The following LINGO2 variants were observed in gnomAD, a reference collection of about 807,000 sequenced individuals.
The protein encoded by LINGO2 is leucine-rich repeat and immunoglobulin-like domain-containing nogo receptor-interacting protein 2.
LINGO2 carries 14 observed loss-of-function variants against 30.6 expected under a neutral mutation model. That is an observed-to-expected ratio of 0.46 (90% CI 0.30 to 0.72). The LOEUF is 0.72. Among genes scored for constraint, LINGO2 ranks in the 30% least tolerant of loss-of-function variants. The pLI, the probability that LINGO2 is intolerant of heterozygous loss-of-function variation, is 0.07. For missense variants in LINGO2, 729 were observed against 751.7 expected (o/e 0.97, Z 0.35); for synonymous variants, 317 against 288.5 (o/e 1.10, Z -1.00).
At chr9:29,178,635 C>G in the LINGO2 span, among the ~76,000 whole-genome samples, 2 of 152,092 alleles carry the variant, frequency 1.3e-5, no homozygotes, top group African/African-American at 4.8e-5. Flanking sequence ...ATGAACTATA[C>G]GAGACACTTT....
intron 3 of LINGO2, among the ~76,000 whole-genome samples, chr9:28,360,792 C>T (rs1026643035): frequency 5.9e-5 from 9 of 152,158 alleles, no homozygotes; most frequent in Non-Finnish European, 1.2e-4. Context: ...GCTTCCTGCC[C>T]CATCTTGCCC....
chr9:28,075,017 C>A (rs1304407796), intron 4 of LINGO2, among the ~76,000 whole-genome samples: 1 of 151,348 alleles, frequency 6.6e-6, no homozygotes, highest in East Asian at 1.9e-4. Context: ...AATAGGACAA[C>A]CACATTCAGA....
intron 4 of LINGO2, among the ~76,000 whole-genome samples, chr9:28,289,234 A>C (rs997058851): frequency 1.3e-5 from 2 of 152,222 alleles, no homozygotes; most frequent in South Asian, 2.1e-4. Flanking sequence ...ACTAATGTAA[A>C]CTATAAAACT....
At chr9:28,860,660 T>C in the LINGO2 span, among the ~76,000 whole-genome samples, 2 of 135,432 alleles carry the variant, frequency 1.5e-5, no homozygotes, top group Admixed American at 1.6e-4. Flanking sequence ...CTGTCATGTA[T>C]AGTCATATAT....
At chr9:28,523,676 C>T (rs1040027096) in intron 1 of LINGO2, among the ~76,000 whole-genome samples, 1 of 152,046 alleles carries the variant, frequency 6.6e-6, no homozygotes, top group Non-Finnish European at 1.5e-5. Flanking sequence ...AAAATAATTT[C>T]ATTCATAATG....
chr9:28,574,389 T>C (rs1001383688), intron 1 of LINGO2, among the ~76,000 whole-genome samples: 4 of 152,332 alleles, frequency 2.6e-5, no homozygotes, highest in Admixed American at 2.6e-4. Flanking sequence ...CAGCCATTTG[T>C]TTCCATACAG....
exon 6 of LINGO2, chr9:27,948,821 CAA>C: frequency 6.3e-7 from 1 of 1,576,918 alleles, no homozygotes; most frequent in Non-Finnish European, 8.6e-7. Flanking sequence ...CCCACATTGA[CAA>C]AGAGACAGTA....
the LINGO2 span, among the ~76,000 whole-genome samples, chr9:28,686,882 C>G: frequency 6.6e-6 from 1 of 151,900 alleles, no homozygotes; most frequent in African/African-American, 2.4e-5. Flanking sequence ...AATTTTGAAA[C>G]GGTGGAATTT....
intron 2 of LINGO2, among the ~76,000 whole-genome samples, chr9:28,444,649 T>G (rs567472046): frequency 1.3e-5 from 2 of 152,306 alleles, no homozygotes; most frequent in South Asian, 2.1e-4. Flanking sequence ...CACCACCATA[T>G]TCCCCTCATC....
the LINGO2 span, among the ~76,000 whole-genome samples, chr9:29,072,829 G>T: frequency 6.6e-6 from 1 of 151,836 alleles, no homozygotes; most frequent in South Asian, 2.1e-4. Context: ...GTACAACTGA[G>T]CAACAGAATT....
At chr9:28,569,376 A>G (rs1206929152) in intron 1 of LINGO2, among the ~76,000 whole-genome samples, 2 of 151,242 alleles carry the variant, frequency 1.3e-5, no homozygotes, top group African/African-American at 4.8e-5. Flanking sequence ...GCCAAGATCT[A>G]GAAATAACAT....
the LINGO2 span, among the ~76,000 whole-genome samples, chr9:29,058,600 A>C: frequency 1.3e-5 from 2 of 151,986 alleles, no homozygotes; most frequent in Admixed American, 1.3e-4. Context: ...CACAGATTCA[A>C]GAAGCTCATT....
chr9:28,713,645 G>C, the LINGO2 span, among the ~76,000 whole-genome samples: 1 of 151,992 alleles, frequency 6.6e-6, no homozygotes, highest in Non-Finnish European at 1.5e-5. Flanking sequence ...TACTGATTTT[G>C]GACACAGGAT....
the LINGO2 span, among the ~76,000 whole-genome samples, chr9:28,698,483 T>C: frequency 6.6e-6 from 1 of 152,054 alleles, no homozygotes; most frequent in African/African-American, 2.4e-5. Context: ...TGGAGTTGTG[T>C]TTTGGCAATT....
At chr9:28,368,073 A>T (rs1330016115) in intron 3 of LINGO2, among the ~76,000 whole-genome samples, 1 of 151,316 alleles carries the variant, frequency 6.6e-6, no homozygotes, top group African/African-American at 2.4e-5. Flanking sequence ...TCTCTATCTC[A>T]TCTATCTATA....
At chr9:28,952,259 T>C in the LINGO2 span, among the ~76,000 whole-genome samples, 1 of 152,148 alleles carries the variant, frequency 6.6e-6, no homozygotes, top group African/African-American at 2.4e-5. Flanking sequence ...TATCTATCTA[T>C]CTAAATATTT....
At chr9:28,601,858 A>G (rs1244019520) in intron 1 of LINGO2, among the ~76,000 whole-genome samples, 5 of 152,088 alleles carry the variant, frequency 3.3e-5, no homozygotes, top group African/African-American at 1.2e-4. Context: ...AAAATCTAGA[A>G]TGTGTTATAT....
At chr9:28,030,432 T>C (rs1385454174) in intron 4 of LINGO2, among the ~76,000 whole-genome samples, 1 of 152,236 alleles carries the variant, frequency 6.6e-6, no homozygotes, top group African/African-American at 2.4e-5. Flanking sequence ...GAAGAAGTCT[T>C]ACAAAATTCC....
chr9:29,028,428 G>GGGTA, the LINGO2 span, among the ~76,000 whole-genome samples: 4 of 3,834 alleles, frequency 1.0e-3, no homozygotes, highest in South Asian at 0.017. Context: ...GTGGGGGGGG[G>GGGTA]TGAGAGAGAG....
Sources: gnomAD v4.1 joint callset for allele counts (sites outside exome capture counted in the v4.1 genomes callset) on GRCh38, gnomAD v4.1.1 for gene constraint, MANE v1.5 for transcripts, NCBI Gene and HGNC (gene_info 2026-07-23, HGNC 2026-07-21) for gene names.